Variants in KIAA0825 observed in about 807,000 individuals in gnomAD.
KIAA0825 encodes the protein KIAA0825.
Under a neutral mutation model 147.6 loss-of-function variants are expected in KIAA0825, and 119 were observed. The observed-to-expected ratio is 0.81, with a 90% CI of 0.69 to 0.94. The LOEUF (loss-of-function observed/expected upper bound fraction) is 0.94. KIAA0825 is among the 40% of genes least tolerant of loss of function. The pLI is 0.00. For missense variants in KIAA0825, 1,381 were observed against 1,472.7 expected (o/e 0.94, Z 1.02); for synonymous variants, 470 against 518.1 (o/e 0.91, Z 1.26).
intron 1 of KIAA0825, among the ~76,000 whole-genome samples, chr5:94,605,222 T>C (rs922774341): frequency 1.3e-5 from 2 of 151,792 alleles, no homozygotes; most frequent in African/African-American, 4.8e-5. Flanking sequence ...CAGGAAAAAA[T>C]TAAATCCCTG....
intron 5 of KIAA0825, among the ~76,000 whole-genome samples, chr5:94,512,790 G>T (rs905540610): frequency 1.3e-5 from 2 of 152,022 alleles, no homozygotes; most frequent in Admixed American, 1.3e-4. Context: ...CCAGCTACTG[G>T]GAGGCTGAGA....
rs1766666624 is a variant in KIAA0825, at chr5:94,152,862, ATATATATATATATATATATATATAT to A, written c.*1120_*1144del. 1.7e-4 allele frequency: 1 copy of A among 5,966 alleles called. No individual in the cohort carries two copies. Among genetic ancestry groups the A allele is most frequent in the African/African-American group, 6.0e-4 (1 of 1,660 alleles). The allele number at this position is 5,966 out of a possible 1,614,324, so 0.4% of individuals were successfully genotyped here. A position where few individuals can be genotyped will look rare whatever the true frequency, so the allele number is the denominator to read the frequency against. On this transcript the variant is annotated 3_prime_UTR_variant, in exon 21 of 21. Coordinates refer to ENST00000682413, the MANE Select transcript of KIAA0825 (RefSeq NM_001145678.3). Reference sequence around the variant, plus strand: ...AAAAAAAAAAAAAAAAAAATTATATATATATATATATATATATATATATATATATATATATATATATGGTTTCTCC... The same window carrying A: ...AAAAAAAAAAAAAAAAAAATTATATAATATATATATATATATGGTTTCTCC...
At chr5:94,339,136 T>C (rs1169680075) in intron 20 of KIAA0825, among the ~76,000 whole-genome samples, 1 of 152,152 alleles carries the variant, frequency 6.6e-6, no homozygotes, top group Non-Finnish European at 1.5e-5. Context: ...AAGCTGTTCG[T>C]AGATGTAGAC....
chr5:94,538,825 G>A (rs1318874130), intron 2 of KIAA0825, among the ~76,000 whole-genome samples: 1 of 152,162 alleles, frequency 6.6e-6, no homozygotes, highest in Non-Finnish European at 1.5e-5. Flanking sequence ...ATCTATCAGT[G>A]GGTATCTCCT....
At chr5:94,322,528 G>C (rs1780289771) in intron 20 of KIAA0825, among the ~76,000 whole-genome samples, 2 of 151,810 alleles carry the variant, frequency 1.3e-5, no homozygotes, top group African/African-American at 4.8e-5. Flanking sequence ...CTACAGGCAT[G>C]CCTTGCACTC....
Position 94,464,276 on chromosome 5 carries a change from C to CTAGA in KIAA0825, c.2063+589_2063+592dup, listed in dbSNP as rs201368071. On this transcript the variant is annotated intron_variant, in intron 11 of 20. Coordinates refer to ENST00000682413, the MANE Select transcript of KIAA0825 (RefSeq NM_001145678.3). ...TGCCTAGATAACTCATAGAATTGTA[C>CTAGA]TAGAATTCAGTCTTATTTAATACTC... is the stretch of plus-strand genomic sequence containing the variant. Among the ~76,000 whole-genome samples the CTAGA allele has an allele frequency of 7.5e-3, 1,149 of 152,244 alleles. 12 individuals are homozygous for CTAGA. The highest frequency in any genetic ancestry group is 0.025 in the African/African-American group (1,054 of 41,546).
At chr5:94,415,650 T>G (rs1330677005) in intron 15 of KIAA0825, 1 of 152,208 alleles carries the variant, frequency 6.6e-6, no homozygotes, top group Non-Finnish European at 1.5e-5. Flanking sequence ...TTCACCCATT[T>G]GAAGTTCTGC....
At chr5:94,293,816 T>C (rs566360072) in intron 20 of KIAA0825, among the ~76,000 whole-genome samples, 1 of 152,360 alleles carries the variant, frequency 6.6e-6, no homozygotes, top group South Asian at 2.1e-4. Flanking sequence ...GCATATAAAT[T>C]TAGGATAGTT....
intron 1 of KIAA0825, among the ~76,000 whole-genome samples, chr5:94,614,999 G>C (rs1298830849): frequency 6.6e-6 from 1 of 151,378 alleles, no homozygotes; most frequent in Admixed American, 6.6e-5. Flanking sequence ...CAATCCTATG[G>C]ATCCATTTTA....
rs548657060 is a variant in KIAA0825, at chr5:94,582,481, AAGG to A, written c.-53_-51del. 2.0e-4 allele frequency: 30 copies of A among 152,342 alleles called. No individual in the cohort carries two copies. The highest frequency in any genetic ancestry group is 6.3e-4 in the African/African-American group (26 of 41,586). 9.4% of individuals were successfully genotyped at this position (152,342 alleles called of 1,614,324 possible). On this transcript the variant is annotated 5_prime_UTR_variant, in exon 2 of 21. Coordinates refer to ENST00000682413, the MANE Select transcript of KIAA0825 (RefSeq NM_001145678.3). Reference sequence around the variant, plus strand: ...AAGAATGAACTGGTCTTCGAATCCTAAGGAGGTAGAAAATTATTTCCTGAAGAG... The same window carrying A: ...AAGAATGAACTGGTCTTCGAATCCTAAGGTAGAAAATTATTTCCTGAAGAG...
chr5:94,449,801 G>A (rs974201192), intron 13 of KIAA0825, among the ~76,000 whole-genome samples: 5 of 152,164 alleles, frequency 3.3e-5, no homozygotes, highest in East Asian at 3.9e-4. Flanking sequence ...TTCACAGGCC[G>A]GGCACAGTGG....
At chr5:94,271,013 T>A (rs879578188) in intron 20 of KIAA0825, among the ~76,000 whole-genome samples, 2 of 152,128 alleles carry the variant, frequency 1.3e-5, no homozygotes, top group African/African-American at 4.8e-5. Context: ...AAAATGTATT[T>A]TTTTAGAAAA....
At position 94,431,310 on chromosome 5, in the gene KIAA0825, T is replaced by C. The variant is rs562536764; in HGVS notation, c.2497+8672A>G. On this transcript the variant is annotated intron_variant, in intron 14 of 20. Coordinates refer to ENST00000682413, the MANE Select transcript of KIAA0825 (RefSeq NM_001145678.3). ...GAAAATGAGAGTTTAGAGAGATCAA[T>C]GAATAAAACAGAATTGTCATATAAA... Among the ~76,000 whole-genome samples, 13 of 152,288 alleles carry C rather than the reference T, an allele frequency of 8.5e-5. No homozygotes were observed. In the South Asian group the frequency reaches 2.7e-3, roughly 32 times the overall value.
At chr5:94,258,485 A>C (rs2150129310) in intron 20 of KIAA0825, among the ~76,000 whole-genome samples, 1 of 152,130 alleles carries the variant, frequency 6.6e-6, no homozygotes, top group South Asian at 2.1e-4. Flanking sequence ...TCTATGGCCA[A>C]AAACATTGTT....
At chr5:94,570,901 C>A (rs1779855128) in intron 2 of KIAA0825, among the ~76,000 whole-genome samples, 1 of 152,148 alleles carries the variant, frequency 6.6e-6, no homozygotes, top group Non-Finnish European at 1.5e-5. Context: ...TGCATTACTG[C>A]CAGCCACCAT....
intron 20 of KIAA0825, among the ~76,000 whole-genome samples, chr5:94,184,403 A>G (rs991620565): frequency 6.6e-6 from 1 of 152,190 alleles, no homozygotes; most frequent in Non-Finnish European, 1.5e-5. Context: ...TGCCATTTTC[A>G]TACATGCATT....
chr5:94,362,657 C>A (rs745574405), intron 20 of KIAA0825, among the ~76,000 whole-genome samples: 32 of 142,284 alleles, frequency 2.2e-4, no homozygotes, highest in Non-Finnish European at 2.9e-4. Flanking sequence ...TATAGCTATA[C>A]CCACTGATTT....
At chr5:94,323,528 T>A (rs1454658065) in intron 20 of KIAA0825, among the ~76,000 whole-genome samples, 1 of 151,394 alleles carries the variant, frequency 6.6e-6, no homozygotes, top group Non-Finnish European at 1.5e-5. Flanking sequence ...TTAGTGAGAT[T>A]TACATGCTTT....
chr5:94,573,835 T>C (rs1465340270), intron 2 of KIAA0825, among the ~76,000 whole-genome samples: 1 of 152,138 alleles, frequency 6.6e-6, no homozygotes, highest in Non-Finnish European at 1.5e-5. Context: ...TTTCTTGTAA[T>C]GTTATCCAGA....
Sources: allele counts gnomAD v4.1 joint callset (sites outside exome capture counted in the v4.1 genomes callset), GRCh38; gene constraint gnomAD v4.1.1; transcripts MANE v1.5; gene names NCBI Gene and HGNC (gene_info 2026-07-23, HGNC 2026-07-21).